The following LHFPL3 variants were observed in gnomAD, a reference collection of about 807,000 sequenced individuals.
LHFPL3 encodes LHFPL tetraspan subfamily member 3 protein.
A neutral mutation model predicts 19.3 loss-of-function variants in LHFPL3; 5 were observed. That is an observed-to-expected ratio of 0.26 (90% CI 0.14 to 0.54). The LOEUF (loss-of-function observed/expected upper bound fraction) is 0.54, where lower values mean the gene tolerates loss of function less well. Ranked by LOEUF, LHFPL3 falls within the 20% of genes least tolerant of loss-of-function variation. The pLI, the probability that LHFPL3 is intolerant of heterozygous loss-of-function variation, is 0.94. For synonymous variants in LHFPL3, 133 were observed against 126.2 expected, an observed-to-expected ratio of 1.05 and a Z score of -0.36; for missense variants, 249 against 307.4, an observed-to-expected ratio of 0.81 and a Z score of 1.42.
chr7:104,883,514 A>G (rs1044124663), intron 2 of LHFPL3, among the ~76,000 whole-genome samples: 13 of 152,244 alleles, frequency 8.5e-5, no homozygotes, highest in Non-Finnish European at 1.6e-4. Flanking sequence ...AAGCCCGGGG[A>G]GCTTTTCCTT....
intron 1 of LHFPL3, among the ~76,000 whole-genome samples, chr7:104,612,429 G>A (rs888086712): frequency 1.3e-5 from 2 of 151,966 alleles, no homozygotes; most frequent in Non-Finnish European, 2.9e-5. Context: ...ACATCCAAGA[G>A]GCAAAACAAA....
intron 1 of LHFPL3, among the ~76,000 whole-genome samples, chr7:104,601,419 G>A (rs183166236): frequency 6.6e-6 from 1 of 152,156 alleles, no homozygotes; most frequent in Non-Finnish European, 1.5e-5. Flanking sequence ...ATACAGCAAT[G>A]TTAGGTATAG....
chr7:104,613,056 G>A (rs1791240034), intron 1 of LHFPL3, among the ~76,000 whole-genome samples: 3 of 152,114 alleles, frequency 2.0e-5, no homozygotes, highest in African/African-American at 7.2e-5. Context: ...ATGCAAGTAG[G>A]GGCTGGATAA....
intron 1 of LHFPL3, among the ~76,000 whole-genome samples, chr7:104,511,158 A>G (rs2115769850): frequency 6.6e-6 from 1 of 152,334 alleles, no homozygotes; most frequent in African/African-American, 2.4e-5. Context: ...AAAATGGACA[A>G]AAGACATTTC....
chr7:104,850,993 C>T (rs1435909390), intron 2 of LHFPL3, among the ~76,000 whole-genome samples: 1 of 152,224 alleles, frequency 6.6e-6, no homozygotes, highest in African/African-American at 2.4e-5. Context: ...CAGGCCACCA[C>T]TTTGACAGAT....
intron 1 of LHFPL3, among the ~76,000 whole-genome samples, chr7:104,700,055 C>G (rs1793073083): frequency 1.3e-5 from 2 of 152,166 alleles, no homozygotes; most frequent in Admixed American, 6.5e-5. Flanking sequence ...GTCACTTTAC[C>G]CTTTGTTTCA....
chr7:104,574,118 A>T (rs1287195304), intron 1 of LHFPL3, among the ~76,000 whole-genome samples: 1 of 152,202 alleles, frequency 6.6e-6, no homozygotes, highest in African/African-American at 2.4e-5. Context: ...AAAATTAACA[A>T]ATTATAGAAA....
chr7:104,837,283 C>T (rs555996137), intron 2 of LHFPL3, among the ~76,000 whole-genome samples: 5 of 152,296 alleles, frequency 3.3e-5, no homozygotes, highest in South Asian at 2.1e-4. Context: ...AGAGCAGAGA[C>T]GTCTGATCTA....
At chr7:104,638,003 T>A (rs755749403) in intron 1 of LHFPL3, among the ~76,000 whole-genome samples, 8 of 152,172 alleles carry the variant, frequency 5.3e-5, no homozygotes, top group Non-Finnish European at 1.0e-4. Context: ...TTAATGATAT[T>A]GATTCTTCCT....
intron 1 of LHFPL3, among the ~76,000 whole-genome samples, chr7:104,331,175 G>T (rs903689353): frequency 6.6e-6 from 1 of 152,020 alleles, no homozygotes; most frequent in African/African-American, 2.4e-5. Context: ...GTTTTGTTTC[G>T]TTTTTCTCCT....
At chr7:104,468,921 A>C (rs977160591) in intron 1 of LHFPL3, among the ~76,000 whole-genome samples, 1 of 152,102 alleles carries the variant, frequency 6.6e-6, no homozygotes, top group Non-Finnish European at 1.5e-5. Context: ...TTCCTCCCAA[A>C]GTGCTGGGAT....
At chr7:104,558,486 A>G (rs1222086931) in intron 1 of LHFPL3, among the ~76,000 whole-genome samples, 1 of 152,148 alleles carries the variant, frequency 6.6e-6, no homozygotes, top group African/African-American at 2.4e-5. Context: ...TCTTTTGAGA[A>G]GTGTCTGTTC....
intron 2 of LHFPL3, among the ~76,000 whole-genome samples, chr7:104,752,550 G>A (rs559528735): frequency 6.3e-4 from 93 of 146,556 alleles, no homozygotes; most frequent in African/African-American, 2.3e-3. Context: ...GGGCAAAATT[G>A]TTCTATTATT....
intron 1 of LHFPL3, among the ~76,000 whole-genome samples, chr7:104,652,517 C>T (rs1466889203): frequency 6.6e-6 from 1 of 152,140 alleles, no homozygotes; most frequent in Non-Finnish European, 1.5e-5. Context: ...ATATCCATCA[C>T]CCCAAACATG....
intron 2 of LHFPL3, among the ~76,000 whole-genome samples, chr7:104,766,606 G>A (rs1794462856): frequency 6.6e-6 from 1 of 152,140 alleles, no homozygotes; most frequent in African/African-American, 2.4e-5. Flanking sequence ...CAACCATGAG[G>A]AAGCCCCTGA....
At chr7:104,751,261 C>A (rs1328070981) in intron 2 of LHFPL3, among the ~76,000 whole-genome samples, 1 of 142,120 alleles carries the variant, frequency 7.0e-6, no homozygotes, top group Non-Finnish European at 1.5e-5. Context: ...CCACTGTGAC[C>A]TTACAGGCTT....
chr7:104,815,112 C>T (rs201202612), intron 2 of LHFPL3, among the ~76,000 whole-genome samples: 41 of 152,268 alleles, frequency 2.7e-4, no homozygotes, highest in Admixed American at 1.6e-3. Context: ...CCCGAGAGCA[C>T]GAGGATGCAT....
intron 1 of LHFPL3, among the ~76,000 whole-genome samples, chr7:104,601,124 A>G (rs1790956956): frequency 6.6e-6 from 1 of 152,146 alleles, no homozygotes; most frequent in South Asian, 2.1e-4. Context: ...CATAGCATAT[A>G]CTCATCAGTA....
chr7:104,346,485 T>TG (rs1790068313), intron 1 of LHFPL3, among the ~76,000 whole-genome samples: 1 of 152,112 alleles, frequency 6.6e-6, no homozygotes, highest in Admixed American at 6.5e-5. Flanking sequence ...CATTGCTCAA[T>TG]GGGGAACAGG....
Sources: allele counts gnomAD v4.1 joint callset (sites outside exome capture counted in the v4.1 genomes callset), GRCh38; gene constraint gnomAD v4.1.1; transcripts MANE v1.5; gene names NCBI Gene and HGNC (gene_info 2026-07-23, HGNC 2026-07-21).